Variants in SRD5A2 observed in about 807,000 individuals in gnomAD.
SRD5A2 encodes the protein steroid 5 alpha-reductase 2.
Under a neutral mutation model 27.4 loss-of-function variants are expected in SRD5A2, and 30 were observed. The observed-to-expected ratio is 1.10, with a 90% CI of 0.82 to 1.49. The LOEUF (loss-of-function observed/expected upper bound fraction) is 1.49, where lower values mean the gene tolerates loss of function less well. SRD5A2 is among the 40% of genes most tolerant of loss of function. The probability of loss-of-function intolerance (pLI) is 0.00; values close to 1 mark genes in which losing one functional copy is unlikely to be tolerated. For synonymous variants in SRD5A2, 141 were observed against 133.6 expected (o/e 1.06, Z -0.38); for missense variants, 348 against 323.4 (o/e 1.08, Z -0.58).
At chr2:31,628,222 A>G in the SRD5A2 span, among the ~76,000 whole-genome samples, 4 of 151,906 alleles carry the variant, frequency 2.6e-5, no homozygotes, top group East Asian at 1.9e-4. Flanking sequence ...TTACCATTAC[A>G]TAATGCTCTT....
chr2:31,639,968 T>C, the SRD5A2 span, among the ~76,000 whole-genome samples: 10 of 152,120 alleles, frequency 6.6e-5, no homozygotes, highest in Non-Finnish European at 1.3e-4. Flanking sequence ...TTGAACACCA[T>C]TAATTCTTAG....
chr2:31,661,118 C>T, the SRD5A2 span, among the ~76,000 whole-genome samples: 2 of 152,078 alleles, frequency 1.3e-5, no homozygotes, highest in African/African-American at 2.4e-5. Flanking sequence ...TTGCTTCAGG[C>T]AGTAAAATAG....
chr2:31,657,529 T>G, the SRD5A2 span, among the ~76,000 whole-genome samples: 1 of 152,268 alleles, frequency 6.6e-6, no homozygotes, highest in Non-Finnish European at 1.5e-5. Context: ...GCATTGTGAG[T>G]ACAGGTGTGA....
intron 1 of SRD5A2, among the ~76,000 whole-genome samples, chr2:31,580,225 G>C (rs1006108301): frequency 6.6e-6 from 1 of 152,214 alleles, no homozygotes; most frequent in East Asian, 1.9e-4. Context: ...AAAGGGAAGC[G>C]GGGCGGGGCG....
At chr2:31,633,773 T>C in the SRD5A2 span, among the ~76,000 whole-genome samples, 1 of 152,080 alleles carries the variant, frequency 6.6e-6, no homozygotes, top group Non-Finnish European at 1.5e-5. Flanking sequence ...CTGGATTTCC[T>C]AGGTTGACTA....
chr2:31,545,738 A>G (rs1666236043), intron 1 of SRD5A2, among the ~76,000 whole-genome samples: 1 of 152,194 alleles, frequency 6.6e-6, no homozygotes, highest in African/African-American at 2.4e-5. Flanking sequence ...AAAGAAATCA[A>G]AGAGATACAA....
rs369091579 is a variant in SRD5A2, at chr2:31,551,561, T to C, written c.282-17795A>G. ...CTATTTTATAATAAAGTGTTGAATA[T>C]GTCATGCAATTTATTTAATAGTACT... On this transcript the variant is annotated intron_variant, in intron 1 of 4. Transcript: ENST00000622030. Among the ~76,000 whole-genome samples the C allele has an allele frequency of 9.2e-5, 14 of 152,224 alleles. No individual in the cohort carries two copies. In the South Asian group the frequency reaches 2.9e-3, roughly 32 times the overall value.
At chr2:31,543,962 G>T (rs1235417047) in intron 1 of SRD5A2, among the ~76,000 whole-genome samples, 1 of 151,782 alleles carries the variant, frequency 6.6e-6, no homozygotes, top group African/African-American at 2.4e-5. Flanking sequence ...TAGCTCCAAA[G>T]ACACAAATAA....
chr2:31,593,610 T>C, the SRD5A2 span, among the ~76,000 whole-genome samples: 1 of 152,202 alleles, frequency 6.6e-6, no homozygotes, highest in East Asian at 1.9e-4. Flanking sequence ...ATCTAAAAGT[T>C]TGGAAAATTT....
At chr2:31,534,431 A>G (rs914179051) in intron 1 of SRD5A2, among the ~76,000 whole-genome samples, 2 of 152,178 alleles carry the variant, frequency 1.3e-5, no homozygotes, top group African/African-American at 4.8e-5. Flanking sequence ...CCGAGAAGGA[A>G]CCCCTAGTTT....
chr2:31,614,904 C>T, the SRD5A2 span, among the ~76,000 whole-genome samples: 1 of 152,122 alleles, frequency 6.6e-6, no homozygotes, highest in Non-Finnish European at 1.5e-5. Flanking sequence ...AAAATTGAAT[C>T]ATGGGGGCAG....
upstream of SRD5A2, among the ~76,000 whole-genome samples, chr2:31,581,798 C>T (rs1277687862): frequency 6.6e-6 from 1 of 152,160 alleles, no homozygotes; most frequent in African/African-American, 2.4e-5. Flanking sequence ...GCCAATGAGC[C>T]GTGGCCCATC....
chr2:31,644,557 T>C, the SRD5A2 span, among the ~76,000 whole-genome samples: 3 of 152,166 alleles, frequency 2.0e-5, no homozygotes, highest in African/African-American at 4.8e-5. Context: ...GAGAATCTAA[T>C]GCGGCAGCTG....
chr2:31,536,267 TAACA>T (rs966417980), intron 1 of SRD5A2, among the ~76,000 whole-genome samples: 171 of 152,340 alleles, frequency 1.1e-3, no homozygotes, highest in African/African-American at 3.8e-3. Context: ...CTCACTACTG[TAACA>T]AACAACTACA....
the SRD5A2 span, among the ~76,000 whole-genome samples, chr2:31,640,328 C>T: frequency 3.9e-5 from 6 of 152,064 alleles, no homozygotes; most frequent in African/African-American, 1.4e-4. Flanking sequence ...AAATCACCTT[C>T]TTGTTAGGGT....
the SRD5A2 span, among the ~76,000 whole-genome samples, chr2:31,611,171 C>T: frequency 2.6e-5 from 4 of 152,086 alleles, no homozygotes; most frequent in Middle Eastern, 3.4e-3. Context: ...TAGACATACA[C>T]TTTCAGATGA....
the SRD5A2 span, among the ~76,000 whole-genome samples, chr2:31,589,779 G>A: frequency 5.3e-5 from 8 of 152,126 alleles, no homozygotes; most frequent in African/African-American, 1.9e-4. Flanking sequence ...ACATACAATT[G>A]CAGAAGCTGC....
In SRD5A2 at chr2:31,560,065, C is replaced by A. The variant is rs2300696; in HGVS notation, c.281+20555G>T. On this transcript the variant is annotated intron_variant, in intron 1 of 4. Coordinates refer to ENST00000622030, the MANE Select transcript of SRD5A2 (RefSeq NM_000348.4). ...CTATGTACATACCAATCCCCCCCCC[C>A]CCCTTTTTTTAAAAAGTCATTGACC... Among the ~76,000 whole-genome samples, 19 of 148,122 alleles carry A rather than the reference C, an allele frequency of 1.3e-4. 2 individuals are homozygous for A. The East Asian group carries it at 2.9e-3, about 22-fold the overall frequency.
intron 1 of SRD5A2, among the ~76,000 whole-genome samples, chr2:31,557,026 A>G (rs1666509239): frequency 6.6e-6 from 1 of 152,222 alleles, no homozygotes; most frequent in Non-Finnish European, 1.5e-5. Context: ...CTGAGGCACA[A>G]TGAGACTAAG....
Sources: gnomAD v4.1 joint callset for allele counts (sites outside exome capture counted in the v4.1 genomes callset) on GRCh38, gnomAD v4.1.1 for gene constraint, MANE v1.5 for transcripts, NCBI Gene and HGNC (gene_info 2026-07-23, HGNC 2026-07-21) for gene names.